SYNDIG1: variants seen among roughly 807,000 people sequenced by gnomAD.
SYNDIG1 encodes synapse differentiation inducing 1.
Under a neutral mutation model 19.4 loss-of-function variants are expected in SYNDIG1, and 9 were observed. That is an observed-to-expected ratio of 0.46 (90% confidence interval 0.28 to 0.81). The LOEUF (loss-of-function observed/expected upper bound fraction) is 0.81. Ranked by LOEUF, SYNDIG1 falls within the 30% of genes least tolerant of loss-of-function variation. SYNDIG1 has a pLI of 0.12. For synonymous variants in SYNDIG1, 141 were observed against 145.9 expected (o/e 0.97, Z 0.24); for missense variants, 311 against 343.3 (o/e 0.91, Z 0.74).
At chr20:24,662,916 T>C (rs1002863251) in intron 3 of SYNDIG1, among the ~76,000 whole-genome samples, 1 of 152,218 alleles carries the variant, frequency 6.6e-6, no homozygotes, top group African/African-American at 2.4e-5. Context: ...CCTGCCCTCA[T>C]GCACACCAAA....
At chr20:24,519,816 G>C (rs762820792) in intron 1 of SYNDIG1, among the ~76,000 whole-genome samples, 1 of 150,772 alleles carries the variant, frequency 6.6e-6, no homozygotes, top group African/African-American at 2.4e-5. Context: ...CAGACAGACA[G>C]ACACACGCAC....
intron 1 of SYNDIG1, among the ~76,000 whole-genome samples, chr20:24,520,875 G>A (rs147828576): frequency 7.2e-5 from 11 of 151,926 alleles, no homozygotes; most frequent in African/African-American, 2.4e-4. Flanking sequence ...CAATTCAATG[G>A]CATTAAATCC....
At chr20:24,474,500 T>G (rs1055090628) in intron 1 of SYNDIG1, among the ~76,000 whole-genome samples, 12 of 152,222 alleles carry the variant, frequency 7.9e-5, no homozygotes, top group Admixed American at 1.3e-4. Flanking sequence ...GGGATAACCT[T>G]GCCTGTTTAG....
intron 3 of SYNDIG1, among the ~76,000 whole-genome samples, chr20:24,621,714 C>T (rs6106916): frequency 6.6e-6 from 1 of 152,160 alleles, no homozygotes; most frequent in African/African-American, 2.4e-5. Flanking sequence ...AGAACATGTC[C>T]TTCCCTATGC....
At position 24,658,058 on chromosome 20, in the gene SYNDIG1, G is replaced by A. The variant is rs925017165; in HGVS notation, c.619-7288G>A. On this transcript the variant is annotated intron_variant, in intron 3 of 3. Coordinates refer to ENST00000376862, the MANE Select transcript of SYNDIG1 (RefSeq NM_024893.3). This position sits in a 1 kb window ranked among gnomAD's most constrained non-coding sequence, Gnocchi z 4.4. ...GCTGGCCCCGGTCCATGGATGACGG[G>A]GACTGTGGAAACAGCGACCTTGCCC... 2.0e-5 allele frequency among the ~76,000 whole-genome samples: 3 copies of A among 152,092 alleles called. No individual in the cohort carries two copies. The highest frequency in any genetic ancestry group is 7.2e-5 in the African/African-American group (3 of 41,414).
intron 3 of SYNDIG1, among the ~76,000 whole-genome samples, chr20:24,646,582 G>A (rs2059424689): frequency 1.3e-5 from 2 of 151,776 alleles, no homozygotes; most frequent in Middle Eastern, 3.4e-3. Flanking sequence ...TTTTTGCAGT[G>A]AGTCGAAGCA....
intron 3 of SYNDIG1, among the ~76,000 whole-genome samples, chr20:24,633,214 T>C (rs1202015204): frequency 1.3e-5 from 2 of 152,170 alleles, no homozygotes; most frequent in African/African-American, 4.8e-5. Context: ...ACCCAGAATG[T>C]CCTGGCCGCA....
At chr20:24,661,891 G>T (rs1434362096) in intron 3 of SYNDIG1, among the ~76,000 whole-genome samples, 1 of 152,114 alleles carries the variant, frequency 6.6e-6, no homozygotes, top group Non-Finnish European at 1.5e-5. Context: ...TGACCAATGG[G>T]CAGGGTGGGG....
intron 3 of SYNDIG1, among the ~76,000 whole-genome samples, chr20:24,624,172 C>T (rs1030900516): frequency 3.4e-5 from 5 of 148,556 alleles, no homozygotes; most frequent in Non-Finnish European, 7.4e-5. Context: ...AGAAGAATGG[C>T]ATGAACCCGG....
chr20:24,544,038 T>C (rs1005313362), intron 2 of SYNDIG1, among the ~76,000 whole-genome samples: 4 of 152,170 alleles, frequency 2.6e-5, no homozygotes, highest in Non-Finnish European at 2.9e-5. Context: ...TACTGAGAGA[T>C]TGTTGATAGA....
At chr20:24,489,743 TGGAGGGA>T (rs899814024) in intron 1 of SYNDIG1, among the ~76,000 whole-genome samples, 4 of 152,204 alleles carry the variant, frequency 2.6e-5, no homozygotes, top group African/African-American at 9.7e-5. Flanking sequence ...CACTGCGGCA[TGGAGGGA>T]GGAGGGAGTT....
chr20:24,575,799 G>A (rs1406353770), intron 2 of SYNDIG1, among the ~76,000 whole-genome samples: 1 of 152,114 alleles, frequency 6.6e-6, no homozygotes, highest in Non-Finnish European at 1.5e-5. Flanking sequence ...GCTCATTTTT[G>A]AGCATTATAC....
intron 2 of SYNDIG1, among the ~76,000 whole-genome samples, chr20:24,581,616 G>C (rs2058324406): frequency 6.6e-6 from 1 of 152,100 alleles, no homozygotes; most frequent in Admixed American, 6.5e-5. Flanking sequence ...GTGAGGGATG[G>C]AGAGTGGAGT....
intron 1 of SYNDIG1, among the ~76,000 whole-genome samples, chr20:24,529,781 G>T (rs1272641233): frequency 6.6e-6 from 1 of 151,980 alleles, no homozygotes; most frequent in Admixed American, 6.6e-5. Flanking sequence ...CAGTTTCAGT[G>T]GTGGGGACGG....
Position 24,665,378 on chromosome 20 carries a change from C to T in SYNDIG1, c.651C>T (p.His217=), listed in dbSNP as rs1208311937. The change falls in exon 4 of 4, where the codon CAC becomes CAT. Residue 217 remains histidine (H), a synonymous_variant. Transcript: ENST00000376862. ...TNKAVAKGDL[H]QASTSSRRAL... ...AAGCCGTGGCCAAGGGGGACTTGCA[C>T]CAGGCCAGCACCAGCTCCCGGCGGG... The T allele has an allele frequency of 1.1e-5, 17 of 1,606,526 alleles. No homozygotes were observed. Among genetic ancestry groups the T allele is most frequent in the Non-Finnish European group, 1.4e-5 (17 of 1,177,694 alleles).
intron 1 of SYNDIG1, among the ~76,000 whole-genome samples, chr20:24,530,618 C>T (rs963464515): frequency 1.3e-5 from 2 of 152,100 alleles, no homozygotes; most frequent in South Asian, 2.1e-4. Flanking sequence ...TTACTATTTA[C>T]ACAAAAGGCT....
intron 1 of SYNDIG1, among the ~76,000 whole-genome samples, chr20:24,528,249 T>G (rs1371743664): frequency 2.6e-5 from 4 of 152,208 alleles, no homozygotes; most frequent in African/African-American, 9.7e-5. Flanking sequence ...AATCTTTCAT[T>G]TGTAAAGTAT....
At chr20:24,524,450 C>T (rs2146566522) in intron 1 of SYNDIG1, among the ~76,000 whole-genome samples, 2 of 152,238 alleles carry the variant, frequency 1.3e-5, no homozygotes, top group East Asian at 3.9e-4. Context: ...TTGAGACCAT[C>T]CTGGCTAACA....
chr20:24,517,311 AT>A (rs200648914), intron 1 of SYNDIG1, among the ~76,000 whole-genome samples: 2,900 of 148,244 alleles, frequency 0.02, 30 homozygotes, highest in Admixed American at 0.028. Context: ...AAAAAAAAAA[AT>A]AAATAAATAA....
Sources: allele counts gnomAD v4.1 joint callset (sites outside exome capture counted in the v4.1 genomes callset), GRCh38; gene constraint gnomAD v4.1.1; non-coding constraint Gnocchi (gnomAD v3.1); transcripts MANE v1.5; gene names NCBI Gene and HGNC (gene_info 2026-07-23, HGNC 2026-07-21).